ZC3H12B: variants seen among roughly 807,000 people sequenced by gnomAD.
ZC3H12B encodes the protein probable ribonuclease ZC3H12B.
Under a neutral mutation model 43.9 loss-of-function variants are expected in ZC3H12B, and 7 were observed. That is an observed-to-expected ratio of 0.16 (90% CI 0.09 to 0.30). ZC3H12B has a LOEUF of 0.30. ZC3H12B is among the 10% of genes least tolerant of loss of function. The probability of loss-of-function intolerance (pLI) is 1.00; values close to 1 mark genes in which losing one functional copy is unlikely to be tolerated. For synonymous variants in ZC3H12B, 222 were observed against 241.7 expected (o/e 0.92, Z 0.76); for missense variants, 475 against 670.2 (o/e 0.71, Z 3.22).
the ZC3H12B span, among the ~76,000 whole-genome samples, chrX:65,255,612 C>T: frequency 1.8e-5 from 2 of 112,202 alleles, no homozygotes; most frequent in Admixed American, 1.9e-4. Context: ...ACCATTAACA[C>T]TATAAAGCAA....
chrX:65,240,637 G>GA, the ZC3H12B span, among the ~76,000 whole-genome samples: 83 of 112,085 alleles, frequency 7.4e-4, no homozygotes, highest in Non-Finnish European at 1.4e-3. Flanking sequence ...ATTTGGAGGA[G>GA]AAGAGGCACT....
the ZC3H12B span, among the ~76,000 whole-genome samples, chrX:65,121,823 A>T: frequency 9.1e-6 from 1 of 110,362 alleles, no homozygotes; most frequent in Non-Finnish European, 1.9e-5. Context: ...AATGTGTCCC[A>T]GAGATTCTAG....
At chrX:65,115,472 T>C in the ZC3H12B span, among the ~76,000 whole-genome samples, 1 of 111,802 alleles carries the variant, frequency 8.9e-6, no homozygotes, top group Admixed American at 9.6e-5. Context: ...GCATTTGGAC[T>C]GGTTCCATAT....
chrX:65,273,556 T>C, the ZC3H12B span, among the ~76,000 whole-genome samples: 1 of 111,650 alleles, frequency 9.0e-6, no homozygotes, highest in Admixed American at 9.5e-5. Context: ...GGATAAAAAC[T>C]TCCCAAGTCT....
the ZC3H12B span, among the ~76,000 whole-genome samples, chrX:65,170,440 G>A: frequency 3.6e-5 from 4 of 111,793 alleles, no homozygotes; most frequent in South Asian, 3.8e-4. Context: ...TAGGTAACCC[G>A]ACCTTTCTCT....
the ZC3H12B span, among the ~76,000 whole-genome samples, chrX:65,062,896 C>G: frequency 2.7e-5 from 3 of 111,245 alleles, no homozygotes; most frequent in African/African-American, 9.8e-5. Context: ...GGTTGTATTC[C>G]TAGGTATTTT....
intron 2 of ZC3H12B, among the ~76,000 whole-genome samples, chrX:65,388,143 A>G (rs2066557155): frequency 9.0e-6 from 1 of 111,146 alleles, no homozygotes; most frequent in Non-Finnish European, 1.9e-5. Flanking sequence ...CTCGAGGAGT[A>G]TCTTTGTGGC....
the ZC3H12B span, among the ~76,000 whole-genome samples, chrX:65,298,110 A>C: frequency 8.9e-6 from 1 of 112,071 alleles, no homozygotes; most frequent in Non-Finnish European, 1.9e-5. Flanking sequence ...TATGACCAAA[A>C]CCCAAAAGCA....
the ZC3H12B span, among the ~76,000 whole-genome samples, chrX:65,250,969 T>C: frequency 8.9e-6 from 1 of 112,195 alleles, no homozygotes; most frequent in African/African-American, 3.2e-5. Flanking sequence ...ATTTTGGCTT[T>C]TGTTGCCATT....
At chrX:65,506,562 G>A (rs1490922544) in exon 5 of ZC3H12B, 2 of 112,040 alleles carry the variant, frequency 1.8e-5, no homozygotes, top group Non-Finnish European at 3.8e-5. Context: ...ACTACAAAGC[G>A]TTTTGTGTGG....
chrX:65,376,567 C>T (rs1054603735), intron 2 of ZC3H12B, among the ~76,000 whole-genome samples: 8 of 111,454 alleles, frequency 7.2e-5, no homozygotes, highest in African/African-American at 2.6e-4. Flanking sequence ...CCAAGCAGCT[C>T]AGCAAAGAGA....
At chrX:65,382,304 A>C (rs2066454184) in intron 2 of ZC3H12B, among the ~76,000 whole-genome samples, 2 of 109,979 alleles carry the variant, frequency 1.8e-5, no homozygotes, top group Non-Finnish European at 3.8e-5. Flanking sequence ...CAATATACGC[A>C]AATCAATAAA....
chrX:65,310,740 C>T, the ZC3H12B span, among the ~76,000 whole-genome samples: 6 of 111,754 alleles, frequency 5.4e-5, no homozygotes, highest in African/African-American at 1.6e-4. Context: ...TACCTGACTT[C>T]AAACTATACT....
In ZC3H12B at chrX:65,430,732, T is replaced by C. The variant is rs144292729; in HGVS notation, n.407+32028T>C. Among the ~76,000 whole-genome samples, 84 of 110,322 alleles carry C rather than the reference T, an allele frequency of 7.6e-4. No individual in the cohort carries two copies. The East Asian group carries it at 0.023, about 30-fold the overall frequency. On this transcript the variant is annotated intron_variant and non_coding_transcript_variant, in intron 3 of 5. Transcript: ENST00000617377. ...TGTATATGTGCCACATTTTCTTAAT[T>C]CAGTCTATCATTGATGGACATTTGG...
chrX:65,168,289 A>T, the ZC3H12B span, among the ~76,000 whole-genome samples: 4 of 111,998 alleles, frequency 3.6e-5, no homozygotes, highest in East Asian at 1.1e-3. Context: ...AGCTATTGAT[A>T]TAATCATATG....
chrX:65,308,155 A>G, the ZC3H12B span, among the ~76,000 whole-genome samples: 34 of 111,056 alleles, frequency 3.1e-4, no homozygotes, highest in African/African-American at 1.1e-3. Flanking sequence ...GTCTCAGTAA[A>G]TTTAAGAAAA....
At chrX:65,232,212 G>A in the ZC3H12B span, among the ~76,000 whole-genome samples, 7 of 111,257 alleles carry the variant, frequency 6.3e-5, no homozygotes, top group Admixed American at 1.9e-4. Context: ...CTGCACTCCA[G>A]CCTGGGTGAC....
chrX:65,356,889 C>T, the ZC3H12B span: 1 of 363,934 alleles, frequency 2.7e-6, no homozygotes, highest in South Asian at 3.1e-5. Flanking sequence ...TGTTAACTCA[C>T]ACATGGATAA....
the ZC3H12B span, among the ~76,000 whole-genome samples, chrX:65,320,723 G>A: frequency 9.0e-6 from 1 of 111,643 alleles, no homozygotes; most frequent in African/African-American, 3.3e-5. Flanking sequence ...GAACAGAATA[G>A]AGAGCCCAGA....
Sources: allele counts gnomAD v4.1 joint callset (sites outside exome capture counted in the v4.1 genomes callset), GRCh38; gene constraint gnomAD v4.1.1; transcripts MANE v1.5; gene names NCBI Gene and HGNC (gene_info 2026-07-23, HGNC 2026-07-21).